The following GRIN2A variants were observed in gnomAD, a reference collection of about 807,000 sequenced individuals.
GRIN2A encodes glutamate ionotropic receptor NMDA type subunit 2A.
GRIN2A carries 22 observed loss-of-function variants against 113.4 expected under a neutral mutation model. That is an observed-to-expected ratio of 0.19 (90% confidence interval 0.14 to 0.28). The LOEUF (loss-of-function observed/expected upper bound fraction) is 0.28, where lower values mean the gene tolerates loss of function less well. Among genes scored for constraint, GRIN2A ranks in the 10% least tolerant of loss-of-function variants. The pLI, the probability that GRIN2A is intolerant of heterozygous loss-of-function variation, is 1.00. For missense variants in GRIN2A, 1,502 were observed against 1,887.0 expected (o/e 0.80, Z 3.78); for synonymous variants, 827 against 738.4 (o/e 1.12, Z -1.94).
At chr16:10,014,914 A>C (rs1182782268) in intron 2 of GRIN2A, among the ~76,000 whole-genome samples, 6 of 152,162 alleles carry the variant, frequency 3.9e-5, no homozygotes, top group Non-Finnish European at 7.4e-5. Flanking sequence ...AGGATGAGTG[A>C]ATAGAAAAGC....
intron 2 of GRIN2A, among the ~76,000 whole-genome samples, chr16:10,142,151 C>A (rs1317481596): frequency 1.3e-5 from 2 of 152,014 alleles, no homozygotes; most frequent in Non-Finnish European, 2.9e-5. Context: ...GAGCACGAAC[C>A]CACAAGAAGA....
At chr16:9,933,471 T>C (rs1212117984) in intron 3 of GRIN2A, among the ~76,000 whole-genome samples, 1 of 152,210 alleles carries the variant, frequency 6.6e-6, no homozygotes, top group South Asian at 2.1e-4. Flanking sequence ...ACCACGAAGA[T>C]ATCAGGTATG....
intron 2 of GRIN2A, among the ~76,000 whole-genome samples, chr16:10,129,124 G>A (rs183189215): frequency 3.9e-5 from 6 of 152,214 alleles, no homozygotes; most frequent in Admixed American, 2.0e-4. Context: ...TGCCCAGGCT[G>A]GAATGCAGTG....
At chr16:9,967,706 A>C (rs1230032723) in intron 2 of GRIN2A, among the ~76,000 whole-genome samples, 1 of 150,104 alleles carries the variant, frequency 6.7e-6, no homozygotes, top group Non-Finnish European at 1.5e-5. Context: ...ACTCCATCTC[A>C]AAAAAAAAAT....
chr16:10,056,685 C>T (rs543238961), intron 2 of GRIN2A, among the ~76,000 whole-genome samples: 11 of 152,146 alleles, frequency 7.2e-5, no homozygotes, highest in African/African-American at 2.2e-4. Context: ...AAGGAGAAGG[C>T]CACATAAATA....
intron 9 of GRIN2A, among the ~76,000 whole-genome samples, chr16:9,828,636 G>C (rs1192721296): frequency 6.6e-6 from 1 of 152,114 alleles, no homozygotes; most frequent in Non-Finnish European, 1.5e-5. Context: ...CTCAATAGGA[G>C]GATGCACCCA....
rs1469994333 is a variant in GRIN2A, at chr16:9,760,727, G to A, written c.*2422C>T. On this transcript the variant is annotated 3_prime_UTR_variant, in exon 13 of 13. Coordinates refer to ENST00000330684, the MANE Select transcript of GRIN2A (RefSeq NM_001134407.3). ...CCCCTGGGTTTAGAGGACACCAGAG[G>A]AAGACAGAAAGCCTCTTTGGCTTGA... The A allele has an allele frequency of 1.3e-5, 3 of 228,346 alleles. No homozygotes were observed. The highest frequency in any genetic ancestry group is 5.7e-5 in the Admixed American group (1 of 17,600). 14.1% of individuals were successfully genotyped at this position (228,346 alleles called of 1,614,324 possible).
Position 10,044,005 on chromosome 16 carries a change from G to GTATA in GRIN2A, c.415-105455_415-105454insTATA, listed in dbSNP as rs749614491. Among the ~76,000 whole-genome samples the GTATA allele has an allele frequency of 1.7e-3, 167 of 100,224 alleles. 2 individuals carry two copies. Among genetic ancestry groups the GTATA allele is most frequent in the East Asian group, 7.8e-3 (18 of 2,312 alleles). 65.8% of individuals were successfully genotyped at this position (100,224 alleles called of 152,430 possible). A position where few individuals can be genotyped will look rare whatever the true frequency, so the allele number is the denominator to read the frequency against. The stretch of plus-strand genomic sequence containing the variant: ...TATACACATACGTGTGTGTGTGTGT[G>GTATA]TGTATATATATATATATAGAGAGAG... On this transcript the variant is annotated intron_variant, in intron 2 of 12. Transcript: ENST00000330684.
intron 5 of GRIN2A, among the ~76,000 whole-genome samples, chr16:9,843,593 C>A (rs1049617256): frequency 6.6e-6 from 1 of 152,220 alleles, no homozygotes; most frequent in Non-Finnish European, 1.5e-5. Flanking sequence ...TGTCTTGAAT[C>A]ACTCTCTTCA....
intron 2 of GRIN2A, among the ~76,000 whole-genome samples, chr16:10,005,753 C>G (rs1407820557): frequency 6.6e-6 from 1 of 152,184 alleles, no homozygotes; most frequent in African/African-American, 2.4e-5. Flanking sequence ...TGGCCTGTCA[C>G]TTTGCAAATT....
At chr16:9,877,538 T>G (rs147219877) in intron 4 of GRIN2A, among the ~76,000 whole-genome samples, 19 of 152,080 alleles carry the variant, frequency 1.2e-4, no homozygotes, top group Admixed American at 2.0e-4. Flanking sequence ...GGGAATATAA[T>G]TAGAAAAGAA....
rs1366607585 is a variant in GRIN2A at position 9,769,058 on chromosome 16, G to A, written c.2388C>T (p.Leu796=). 1.2e-6 allele frequency: 2 copies of A among 1,614,058 alleles called. No homozygotes were observed. The highest frequency in any genetic ancestry group is 4.5e-5 in the East Asian group (2 of 44,872). The change falls in exon 12 of 13, where the codon CTC becomes CTT. Residue 796 remains leucine (L), a synonymous_variant. Coordinates refer to ENST00000330684, the MANE Select transcript of GRIN2A (RefSeq NM_001134407.3). ...GEMEELETLW[L]TGICHNEKNE... ...TCTTCTCGTTGTGGCAGATCCCAGT[G>A]AGCCACAGGGTCTCCAGCTCCTCCA...
intron 9 of GRIN2A, among the ~76,000 whole-genome samples, chr16:9,826,267 A>G (rs2042385472): frequency 6.6e-6 from 1 of 152,188 alleles, no homozygotes; most frequent in African/African-American, 2.4e-5. Flanking sequence ...TCTTCCCACA[A>G]CATAAATCTG....
At position 9,763,216 on chromosome 16, in the gene GRIN2A, C is replaced by A; in HGVS notation, c.4328G>T (p.Arg1443Met). ...TCTATTGCTGCAGGAATTTAAAACC[C>A]TGGGGGTAGAGTACATATTATTCTT... ...ANKNNMYSTP[R>M]VLNSCSNRRV... is the part of the protein sequence containing the mutation. Residue 1443 changes from arginine (R) to methionine (M), a missense_variant, in exon 13 of 13, where the codon AGG becomes ATG. Arg to Met is a moderately conservative substitution (Grantham distance 91). Coordinates refer to ENST00000330684, the MANE Select transcript of GRIN2A (RefSeq NM_001134407.3). 6.2e-7 allele frequency: 1 copy of A among 1,613,970 alleles called. No individual in the cohort carries two copies. The highest frequency in any genetic ancestry group is 8.5e-7 in the Non-Finnish European group (1 of 1,179,902).
chr16:9,962,453 G>T (rs1466600717), intron 2 of GRIN2A, among the ~76,000 whole-genome samples: 1 of 151,994 alleles, frequency 6.6e-6, no homozygotes, highest in Middle Eastern at 3.2e-3. Flanking sequence ...GTGGGCAAAG[G>T]ATATGAACAG....
chr16:10,120,449 G>A (rs11074593), intron 2 of GRIN2A, among the ~76,000 whole-genome samples: 117,242 of 152,122 alleles, frequency 0.77, 45,748 homozygotes, highest in East Asian at 0.92. Flanking sequence ...AACTTTCTCC[G>A]TTCTCCTATT....
At chr16:9,821,456 G>A (rs1277673555) in intron 10 of GRIN2A, among the ~76,000 whole-genome samples, 4 of 152,106 alleles carry the variant, frequency 2.6e-5, no homozygotes, top group Non-Finnish European at 4.4e-5. Context: ...GAAGGGGTAG[G>A]ACAGACGTCT....
At chr16:9,864,450 C>T (rs2043127191) in intron 4 of GRIN2A, among the ~76,000 whole-genome samples, 1 of 151,490 alleles carries the variant, frequency 6.6e-6, no homozygotes, top group Non-Finnish European at 1.5e-5. Flanking sequence ...TAAATGAAAA[C>T]CTTGAAAAGT....
intron 2 of GRIN2A, chr16:10,112,575 T>G (rs1038862559): frequency 4.4e-5 from 34 of 772,082 alleles, no homozygotes; most frequent in Non-Finnish European, 7.2e-5. Context: ...CAGCGGCGAG[T>G]ACTTCTTCTC....
Sources: gnomAD v4.1 joint callset for allele counts (sites outside exome capture counted in the v4.1 genomes callset) on GRCh38, gnomAD v4.1.1 for gene constraint, MANE v1.5 for transcripts, NCBI Gene and HGNC (gene_info 2026-07-23, HGNC 2026-07-21) for gene names.